The following ADGRE1 variants were observed in gnomAD, a reference collection of about 807,000 sequenced individuals.
The protein encoded by ADGRE1 is EGF-like module receptor 1.
In ADGRE1, 82 loss-of-function variants were observed where a neutral mutation model predicts 102.7. The ratio of observed to expected loss-of-function variants is 0.80; its 90% CI spans 0.67 to 0.96. ADGRE1 has a LOEUF of 0.96. Among genes scored for constraint, ADGRE1 ranks in the 40% least tolerant of loss-of-function variants. ADGRE1 has a pLI of 0.00. For synonymous variants in ADGRE1, 398 were observed against 399.6 expected (o/e 1.00, Z 0.05); for missense variants, 1,032 against 1,085.3 (o/e 0.95, Z 0.69).
intron 16 of ADGRE1, 63 bp downstream of exon 16, chr19:6,926,664 G>A: frequency 6.6e-7 from 1 of 1,519,290 alleles, no homozygotes; most frequent in South Asian, 1.1e-5. Flanking sequence ...ATAATGACAT[G>A]AGCAACAAGA....
chr19:6,888,257 A>G (rs963553504), intron 1 of ADGRE1, among the ~76,000 whole-genome samples: 2 of 152,208 alleles, frequency 1.3e-5, no homozygotes, highest in African/African-American at 4.8e-5. Context: ...TCAGGTAGTG[A>G]TAAGTGCTAT....
intron 5 of ADGRE1, 75 bp from the exon 6 acceptor site, chr19:6,901,800 T>A: frequency 6.7e-7 from 1 of 1,482,250 alleles, no homozygotes; most frequent in South Asian, 1.2e-5. Flanking sequence ...ACACTCAGAG[T>A]GCATCTCCTA....
rs759900338 is a variant in ADGRE1 at position 6,903,949 on chromosome 19, A to T, written c.801A>T (p.Arg267Ser). The T allele has an allele frequency of 5.3e-5, 85 of 1,614,096 alleles. No homozygotes were observed. The highest frequency in any genetic ancestry group is 6.9e-5 in the Non-Finnish European group (81 of 1,180,040). The change falls in exon 7 of 21, where the codon AGA (arginine) becomes AGT (serine). Residue 267 changes from arginine to serine, a missense_variant and splice_region_variant. Transcript: ENST00000312053. ...TCACAGACCAAGGAGTGGAATGTAG[A>T]GGTGAGCAGAGAGTTTGATGGACAA... ...LNFTDQGVEC[R>S]DIDECRQDPS...
chr19:6,934,004 G>C (rs1408837731), intron 17 of ADGRE1, among the ~76,000 whole-genome samples: 1 of 152,158 alleles, frequency 6.6e-6, no homozygotes, highest in Non-Finnish European at 1.5e-5. Context: ...AATACACAGA[G>C]ACCGCCCCAT....
chr19:6,904,256 A>G (rs937890119), intron 8 of ADGRE1, 74 bp downstream of exon 8: 19 of 1,562,444 alleles, frequency 1.2e-5, no homozygotes, highest in Non-Finnish European at 1.6e-5. Flanking sequence ...ATTCTACCCA[A>G]CCTCGGGATC....
intron 6 of ADGRE1, among the ~76,000 whole-genome samples, chr19:6,902,421 TG>T (rs1973797931): frequency 1.3e-5 from 2 of 152,020 alleles, no homozygotes; most frequent in Non-Finnish European, 2.9e-5. Flanking sequence ...GTTTGTTTTT[TG>T]TTTTTTTGGG....
chr19:6,916,382 C>T lies in ADGRE1; in HGVS notation c.1420+14C>T. On this transcript the variant is annotated intron_variant, in intron 12 of 20. Coordinates refer to ENST00000312053, the MANE Select transcript of ADGRE1 (RefSeq NM_001974.5). ...CTGAATCCACAGGTACAGGTCCTCTCCTGAGAATGCAGGTTATGGTGTATT... is the reference window on the plus strand; with the variant it reads ...CTGAATCCACAGGTACAGGTCCTCTTCTGAGAATGCAGGTTATGGTGTATT... 2.5e-6 allele frequency: 4 copies of T among 1,608,686 alleles called. No individual in the cohort carries two copies. Among genetic ancestry groups the T allele is most frequent in the Non-Finnish European group, 3.4e-6 (4 of 1,177,390 alleles).
At chr19:6,919,519 T>C (rs1568354205) in intron 12 of ADGRE1, 29 bp from the exon 13 acceptor site, 2 of 1,564,134 alleles carry the variant, frequency 1.3e-6, no homozygotes, top group Non-Finnish European at 1.7e-6. Context: ...AACGATTCCT[T>C]CCTTTTTTTC....
Position 6,926,378 on chromosome 19 carries a change from A to G in ADGRE1, c.1999A>G (p.Ile667Val). The G allele has an allele frequency of 6.2e-7, 1 of 1,614,050 alleles. No individual in the cohort carries two copies. Among genetic ancestry groups the G allele is most frequent in the Non-Finnish European group, 8.5e-7 (1 of 1,180,040 alleles). The change falls in exon 16 of 21, where the codon ATC becomes GTC. Residue 667 changes from isoleucine (I) to valine (V), a missense_variant. Coordinates refer to ENST00000312053, the MANE Select transcript of ADGRE1 (RefSeq NM_001974.5). ...HKTDNKMGCAIIAGFLHYLFL... is the reference protein window; with the variant it reads ...HKTDNKMGCAVIAGFLHYLFL... ...TTCTCCCCTCCAGATGGGCTGCGCC[A>G]TCATCGCGGGCTTCCTGCACTACCT...
chr19:6,918,803 C>T (rs1974505444), intron 12 of ADGRE1, among the ~76,000 whole-genome samples: 1 of 152,164 alleles, frequency 6.6e-6, no homozygotes, highest in Non-Finnish European at 1.5e-5. Flanking sequence ...TGGCTCATTG[C>T]AACCTCCGCC....
chr19:6,926,316 G>A (rs773078262), intron 15 of ADGRE1, 50 bp from the exon 16 acceptor site: 19 of 1,596,172 alleles, frequency 1.2e-5, no homozygotes, highest in Admixed American at 5.1e-5. Flanking sequence ...TCTTCCTTTC[G>A]ATTTCTCTCT....
At chr19:6,897,617 T>G in intron 5 of ADGRE1, 70 bp downstream of exon 5, 1 of 1,420,786 alleles carries the variant, frequency 7.0e-7, no homozygotes, top group Non-Finnish European at 9.3e-7. Flanking sequence ...GAAGACCATA[T>G]GAGAAAGGGA....
At chr19:6,902,614 T>C (rs965235453) in intron 6 of ADGRE1, among the ~76,000 whole-genome samples, 4 of 151,954 alleles carry the variant, frequency 2.6e-5, no homozygotes, top group Non-Finnish European at 5.9e-5. Flanking sequence ...CTAATTTTTG[T>C]ATTTTTAGTA....
At position 6,921,770 on chromosome 19, in the gene ADGRE1, G is replaced by A. The variant is rs758413950; in HGVS notation, c.1678G>A (p.Gly560Arg). The change falls in exon 14 of 21, where the codon GGA (glycine) becomes AGA (arginine). Residue 560 changes from glycine to arginine, a missense_variant. Transcript: ENST00000312053. ...TTCCTGGAGCACTGATGTGAAGGGTGGAAGATGGACATCCTTTGGCTGTGT... is the reference window on the plus strand; with the variant it reads ...TTCCTGGAGCACTGATGTGAAGGGTAGAAGATGGACATCCTTTGGCTGTGT... ...CVSWSTDVKGGRWTSFGCVIL... is the reference protein window; with the variant it reads ...CVSWSTDVKGRRWTSFGCVIL... The A allele has an allele frequency of 1.4e-5, 22 of 1,613,950 alleles. No individual in the cohort carries two copies. In the South Asian group the frequency reaches 2.3e-4, roughly 17 times the overall value.
rs555556300 is a variant in ADGRE1 at position 6,926,401 on chromosome 19, C to G, written c.2022C>G (p.Tyr674Ter). The G allele has an allele frequency of 1.1e-4, 179 of 1,614,236 alleles. 1 individual carries two copies. The South Asian group carries it at 1.8e-3, about 16-fold the overall frequency. ...CCATCATCGCGGGCTTCCTGCACTA[C>G]CTTTTCCTTGCCTGCTTCTTCTGGA... ...GCAIIAGFLH[Y>*]LFLACFFWML... Residue 674 changes from tyrosine (Y) to a stop codon, truncating the protein, a stop_gained, in exon 16 of 21, where the codon TAC (tyrosine) becomes TAG (stop). Transcript: ENST00000312053. LOFTEE classifies it high-confidence loss of function.
Position 6,916,514 on chromosome 19 carries a change from G to A in ADGRE1, c.1420+146G>A, listed in dbSNP as rs147186022. 460 of 1,080,868 alleles carry A rather than the reference G, an allele frequency of 4.3e-4. 4 individuals carry two copies. The East Asian group carries it at 0.011, about 27-fold the overall frequency. 67.0% of individuals were successfully genotyped at this position (1,080,868 alleles called of 1,614,324 possible). ...TCCATGCTCTCAGAGAGTTTTCCAT[G>A]TGCTAGGGAAGTCAAACATTAAATA... On this transcript the variant is annotated intron_variant, in intron 12 of 20. Coordinates refer to ENST00000312053, the MANE Select transcript of ADGRE1 (RefSeq NM_001974.5).
chr19:6,919,214 G>A (rs1489154861), intron 12 of ADGRE1, among the ~76,000 whole-genome samples: 1 of 151,806 alleles, frequency 6.6e-6, no homozygotes, highest in East Asian at 1.9e-4. Flanking sequence ...TTGTATTTTA[G>A]TAGAAACGGG....
chr19:6,919,747 G>C lies in ADGRE1; in HGVS notation c.1620G>C (p.Gln540His). The C allele has an allele frequency of 6.2e-7, 1 of 1,613,284 alleles. No individual in the cohort carries two copies. Among genetic ancestry groups the C allele is most frequent in the Non-Finnish European group, 8.5e-7 (1 of 1,179,512 alleles). ...DPIIYTLENI[Q>H]PKQKFERPIC... is the part of the protein sequence containing the mutation. ...TCATCTACACTCTGGAGAACATTCA[G>C]GTTTGTGAAGAGGTCTCTACTGAGA... Residue 540 changes from glutamine (Q) to histidine (H), a missense_variant and splice_region_variant, in exon 13 of 21, where the codon CAG becomes CAC. Coordinates refer to ENST00000312053, the MANE Select transcript of ADGRE1 (RefSeq NM_001974.5).
chr19:6,913,930 C>A, intron 11 of ADGRE1, 100 bp downstream of exon 11: 1 of 1,307,402 alleles, frequency 7.6e-7, no homozygotes, highest in South Asian at 1.7e-5. Flanking sequence ...CATTCTTTCC[C>A]CAACTGTTTA....
Sources: allele counts gnomAD v4.1 joint callset (sites outside exome capture counted in the v4.1 genomes callset), GRCh38; gene constraint gnomAD v4.1.1; transcripts MANE v1.5; gene names NCBI Gene and HGNC (gene_info 2026-07-23, HGNC 2026-07-21).